GRIP1: variants seen among roughly 807,000 people sequenced by gnomAD.
The protein encoded by GRIP1 is glutamate receptor interacting protein 1.
In GRIP1, 45 loss-of-function variants were observed where a neutral mutation model predicts 129.9. That is an observed-to-expected ratio of 0.35 (90% CI 0.27 to 0.44). The LOEUF (loss-of-function observed/expected upper bound fraction) is 0.44, where lower values mean the gene tolerates loss of function less well. Among genes scored for constraint, GRIP1 ranks in the 20% least tolerant of loss-of-function variants. GRIP1 has a pLI of 1.00. For synonymous variants in GRIP1, 530 were observed against 520.8 expected, an observed-to-expected ratio of 1.02 and a Z score of -0.24; for missense variants, 1,196 against 1,396.8, an observed-to-expected ratio of 0.86 and a Z score of 2.29.
chr12:66,768,887 C>T (rs1266178714), intron 1 of GRIP1, among the ~76,000 whole-genome samples: 1 of 152,132 alleles, frequency 6.6e-6, no homozygotes, highest in Non-Finnish European at 1.5e-5. Context: ...CACTCCAGAT[C>T]AACTCTGTCA....
intron 2 of GRIP1, among the ~76,000 whole-genome samples, chr12:66,593,494 A>C (rs1421355755): frequency 6.6e-6 from 1 of 152,238 alleles, no homozygotes; most frequent in African/African-American, 2.4e-5. Flanking sequence ...AGTAGAGTCT[A>C]TATTAAGAAG....
At chr12:67,029,806 T>G (rs1214074773) in intron 1 of GRIP1, among the ~76,000 whole-genome samples, 5 of 152,092 alleles carry the variant, frequency 3.3e-5, no homozygotes, top group African/African-American at 1.2e-4. Context: ...GGTGTTTCTA[T>G]TTTAGTATTT....
intron 22 of GRIP1, 130 bp from the exon 23 acceptor site, chr12:66,372,057 GA>G (rs2055535494): frequency 2.9e-6 from 2 of 699,984 alleles, no homozygotes; most frequent in Non-Finnish European, 5.2e-6. Flanking sequence ...CCAAAGGCTG[GA>G]AAATGGATGT....
chr12:66,408,850 A>G (rs191053919), intron 15 of GRIP1, among the ~76,000 whole-genome samples: 8 of 152,256 alleles, frequency 5.3e-5, no homozygotes, highest in East Asian at 3.9e-4. Context: ...AGCTGACTGA[A>G]GAGCCTTTGG....
chr12:66,600,824 G>A (rs2064244277), intron 1 of GRIP1, among the ~76,000 whole-genome samples: 1 of 152,190 alleles, frequency 6.6e-6, no homozygotes, highest in Non-Finnish European at 1.5e-5. Context: ...GTCACTACGG[G>A]GCAAAGCAGA....
intron 5 of GRIP1, among the ~76,000 whole-genome samples, chr12:66,528,132 A>G (rs934380772): frequency 4.3e-5 from 3 of 70,498 alleles, no homozygotes; most frequent in South Asian, 1.2e-3. Context: ...TAGAATTAGT[A>G]GGTTTTTTTT....
At chr12:66,684,127 G>A (rs1268927475), upstream of GRIP1, among the ~76,000 whole-genome samples, 1 of 152,164 alleles carries the variant, frequency 6.6e-6, no homozygotes, top group African/African-American at 2.4e-5. Flanking sequence ...AGAACAGAGA[G>A]CAGTAACAGC....
At chr12:66,633,207 A>G (rs1031677089) in intron 1 of GRIP1, among the ~76,000 whole-genome samples, 5 of 145,292 alleles carry the variant, frequency 3.4e-5, no homozygotes, top group African/African-American at 5.2e-5. Flanking sequence ...GTATATATAT[A>G]TGTGTGTGTA....
chr12:66,870,438 T>C (rs10506509), intron 1 of GRIP1, among the ~76,000 whole-genome samples: 16,860 of 152,146 alleles, frequency 0.11, 967 homozygotes, highest in Admixed American at 0.13. Context: ...TGTAATCTCT[T>C]ATAGAGCAAT....
intron 5 of GRIP1, among the ~76,000 whole-genome samples, chr12:66,525,133 T>G (rs1045683689): frequency 1.3e-5 from 2 of 152,182 alleles, no homozygotes; most frequent in Non-Finnish European, 2.9e-5. Context: ...CCTTCTGAAA[T>G]TATTCCAATC....
chr12:66,398,167 T>C (rs2056864063), intron 16 of GRIP1, among the ~76,000 whole-genome samples: 1 of 152,122 alleles, frequency 6.6e-6, no homozygotes. Context: ...CCTTTGCCCC[T>C]CCTCCCCACT....
chr12:67,043,678 T>A (rs1201885295), intron 1 of GRIP1, among the ~76,000 whole-genome samples: 1 of 152,006 alleles, frequency 6.6e-6, no homozygotes, highest in Non-Finnish European at 1.5e-5. Flanking sequence ...TAACCAAGAA[T>A]CATGTTGCTC....
intron 1 of GRIP1, among the ~76,000 whole-genome samples, chr12:66,870,581 A>G (rs1379141406): frequency 6.6e-6 from 1 of 152,138 alleles, no homozygotes; most frequent in Non-Finnish European, 1.5e-5. Flanking sequence ...TGTTATTTCT[A>G]TTCATTCTGA....
chr12:66,490,839 C>T (rs1473792213), intron 7 of GRIP1, among the ~76,000 whole-genome samples: 1 of 151,852 alleles, frequency 6.6e-6, no homozygotes, highest in African/African-American at 2.4e-5. Flanking sequence ...CATTCATGCA[C>T]ACAACAAACA....
At position 66,464,942 on chromosome 12, in the gene GRIP1, C is replaced by CTT. The variant is rs199751484; in HGVS notation, c.872+331_872+332dup. The stretch of plus-strand genomic sequence containing the variant: ...AATTTTGTAAAGGGGCACTTTCTTT[C>CTT]TTTCTTTCTTTCTTTTTTTTTTTTT... On this transcript the variant is annotated intron_variant, in intron 8 of 24. Coordinates refer to ENST00000359742, the MANE Select transcript of GRIP1 (RefSeq NM_001366722.1). Among the ~76,000 whole-genome samples the CTT allele has an allele frequency of 6.7e-4, 92 of 137,862 alleles. 3 individuals are homozygous for CTT. Among genetic ancestry groups the CTT allele is most frequent in the Admixed American group, 2.8e-3 (40 of 14,346 alleles). 90.4% of individuals were successfully genotyped at this position (137,862 alleles called of 152,430 possible). A position where few individuals can be genotyped will look rare whatever the true frequency, so the allele number is the denominator to read the frequency against.
chr12:67,010,796 C>CT (rs1369308602), intron 1 of GRIP1, among the ~76,000 whole-genome samples: 1 of 152,006 alleles, frequency 6.6e-6, no homozygotes, highest in Admixed American at 6.6e-5. Flanking sequence ...AAAACCAGCC[C>CT]TCCTTCCTGA....
chr12:66,636,957 C>T (rs1215491191), intron 1 of GRIP1, among the ~76,000 whole-genome samples: 6 of 152,170 alleles, frequency 3.9e-5, no homozygotes, highest in African/African-American at 1.4e-4. Flanking sequence ...CCTGAGCAAA[C>T]TAAGTAACAG....
intron 1 of GRIP1, among the ~76,000 whole-genome samples, chr12:66,951,701 A>T (rs2041760565): frequency 6.6e-6 from 1 of 152,164 alleles, no homozygotes; most frequent in Admixed American, 6.5e-5. Flanking sequence ...CATTTGCAAG[A>T]CTCTGCTAGC....
chr12:66,647,147 G>C (rs75663688), intron 1 of GRIP1, among the ~76,000 whole-genome samples: 1,697 of 152,242 alleles, frequency 0.011, 27 homozygotes, highest in African/African-American at 0.038. Context: ...TAACTGCCCA[G>C]ATGACCTGTA....
Sources: gnomAD v4.1 joint callset for allele counts (sites outside exome capture counted in the v4.1 genomes callset) on GRCh38, gnomAD v4.1.1 for gene constraint, MANE v1.5 for transcripts, NCBI Gene and HGNC (gene_info 2026-07-23, HGNC 2026-07-21) for gene names.